COL27A1: variants seen among roughly 807,000 people sequenced by gnomAD.
COL27A1 encodes collagen type XXVII alpha 1 chain.
Under a neutral mutation model 251.3 loss-of-function variants are expected in COL27A1, and 106 were observed. The ratio of observed to expected loss-of-function variants is 0.42; its 90% confidence interval spans 0.36 to 0.50. The LOEUF (loss-of-function observed/expected upper bound fraction) is 0.50. COL27A1 is among the 20% of genes least tolerant of loss of function. The pLI is 0.00. For missense variants in COL27A1, 2,325 were observed against 2,522.8 expected (o/e 0.92, Z 1.68); for synonymous variants, 1,000 against 986.3 (o/e 1.01, Z -0.26).
At position 114,168,478 on chromosome 9, in the gene COL27A1, C is replaced by G. The variant is rs767257782; in HGVS notation, c.923C>G (p.Pro308Arg). 3 of 1,614,042 alleles carry G rather than the reference C, an allele frequency of 1.9e-6. No homozygotes were observed. The highest frequency in any genetic ancestry group is 1.7e-6 in the Non-Finnish European group (2 of 1,179,942). ...TKPQRTSPTN[P>R]HQHMAVGGPA... Reference sequence around the variant, plus strand: ...CCCCAAAGGACTAGCCCCACAAACCCTCACCAGCATATGGCGGTGGGAGGC... The same window carrying G: ...CCCCAAAGGACTAGCCCCACAAACCGTCACCAGCATATGGCGGTGGGAGGC... The change falls in exon 3 of 61, where the codon CCT becomes CGT. Residue 308 changes from proline (P) to arginine (R), a missense_variant. Pro to Arg is a moderately radical substitution (Grantham distance 103). Coordinates refer to ENST00000356083, the MANE Select transcript of COL27A1 (RefSeq NM_032888.4).
intron 49 of COL27A1, among the ~76,000 whole-genome samples, chr9:114,294,862 TAGG>T (rs1564581267): frequency 6.6e-6 from 1 of 152,096 alleles, no homozygotes. Flanking sequence ...GAAAAACAAA[TAGG>T]AGGTATTCAT....
At chr9:114,205,049 C>G (rs1829851482) in intron 7 of COL27A1, 53 bp from the exon 8 acceptor site, 1 of 1,582,638 alleles carries the variant, frequency 6.3e-7, no homozygotes, top group Admixed American at 1.7e-5. Flanking sequence ...CTTGCGATCT[C>G]CAGGACCAGA....
chr9:114,232,070 A>G lies in COL27A1; in HGVS notation c.2565+204A>G, dbSNP rs551313684. On this transcript the variant is annotated intron_variant, in intron 16 of 60. Transcript: ENST00000356083. The stretch of plus-strand genomic sequence containing the variant: ...GGCAGATGGTTCTGGGAGCCCGAAA[A>G]CCTCAGCAGATAGTGCAGGAGCAGC... Among the ~76,000 whole-genome samples, 13 of 152,030 alleles carry G rather than the reference A, an allele frequency of 8.6e-5. No individual in the cohort carries two copies. The East Asian group carries it at 1.9e-3, about 23-fold the overall frequency.
chr9:114,282,194 G>A (rs1412917206), intron 37 of COL27A1, 83 bp from the exon 38 acceptor site: 15 of 1,314,584 alleles, frequency 1.1e-5, no homozygotes, highest in South Asian at 3.6e-5. Flanking sequence ...CTCCAGAGCC[G>A]ACAGTCTGAC....
At chr9:114,278,449 GCACTGA>G (rs1835671412) in intron 37 of COL27A1, among the ~76,000 whole-genome samples, 2 of 143,638 alleles carry the variant, frequency 1.4e-5, no homozygotes, top group Admixed American at 1.4e-4. Flanking sequence ...TGATGATGGG[GCACTGA>G]TGATGGTGGT....
intron 40 of COL27A1, 58 bp from the exon 41 acceptor site, chr9:114,284,666 T>C: frequency 6.3e-7 from 1 of 1,575,432 alleles, no homozygotes; most frequent in East Asian, 2.2e-5. Flanking sequence ...TTGGAGTCCA[T>C]GTCCTTTGTC....
intron 4 of COL27A1, among the ~76,000 whole-genome samples, chr9:114,182,208 A>T (rs56002320): frequency 0.55 from 77,231 of 140,266 alleles, 22,091 homozygotes; most frequent in East Asian, 0.73. Context: ...AAAAATAATA[A>T]AATAAAAATA....
At chr9:114,303,256 T>G (rs1295898758) in intron 56 of COL27A1, among the ~76,000 whole-genome samples, 1 of 150,590 alleles carries the variant, frequency 6.6e-6, no homozygotes, top group Non-Finnish European at 1.5e-5. Context: ...TTTTTTTTTT[T>G]GAGACACAGT....
chr9:114,239,293 T>C (rs1832600769), intron 19 of COL27A1, among the ~76,000 whole-genome samples: 11 of 152,242 alleles, frequency 7.2e-5, no homozygotes, highest in Admixed American at 7.2e-4. Flanking sequence ...CAGGCAGACT[T>C]CTTTTCCCAG....
intron 1 of COL27A1, among the ~76,000 whole-genome samples, chr9:114,156,673 A>G (rs1362509715): frequency 1.3e-5 from 2 of 152,078 alleles, no homozygotes; most frequent in Non-Finnish European, 2.9e-5. Context: ...CTGGGCGATC[A>G]CTGTGCGGAA....
intron 16 of COL27A1, among the ~76,000 whole-genome samples, chr9:114,235,389 A>G (rs1011693258): frequency 6.6e-6 from 1 of 152,174 alleles, no homozygotes; most frequent in Admixed American, 6.5e-5. Flanking sequence ...GAGCAGCCCC[A>G]GGCAAGTCTG....
chr9:114,238,406 C>T (rs1401821152), intron 19 of COL27A1, among the ~76,000 whole-genome samples: 1 of 152,148 alleles, frequency 6.6e-6, no homozygotes, highest in Admixed American at 6.5e-5. Flanking sequence ...CCAGGGCTGC[C>T]GTCCCTCTCA....
chr9:114,167,920 G>T lies in COL27A1; in HGVS notation c.365G>T (p.Arg122Leu). 1.9e-6 allele frequency: 3 copies of T among 1,611,424 alleles called. No homozygotes were observed. Among genetic ancestry groups the T allele is most frequent in the South Asian group, 1.1e-5 (1 of 91,062 alleles). The change falls in exon 3 of 61, where the codon CGC becomes CTC. Residue 122 changes from arginine to leucine, a missense_variant. Around this residue, in one of 4 missense-constraint regions of COL27A1, gnomAD observed 1,183 missense variants for 1,144.1 expected, o/e 1.03. Transcript: ENST00000356083. ...AFLFAVRSQKRKLQLGLQFLP... is the reference protein window; with the variant it reads ...AFLFAVRSQKLKLQLGLQFLP... ...CTCTTCGCTGTCCGCAGCCAGAAAC[G>T]CAAGCTGCAGCTGGGCCTGCAGTTC...
At chr9:114,162,890 T>G in intron 2 of COL27A1, 105 bp downstream of exon 2, 1 of 746,688 alleles carries the variant, frequency 1.3e-6, no homozygotes, top group Non-Finnish European at 2.3e-6. Context: ...ACTCAATGCC[T>G]CAGTTTTCCC....
At chr9:114,291,664 G>A (rs1001168584) in intron 48 of COL27A1, among the ~76,000 whole-genome samples, 6 of 152,254 alleles carry the variant, frequency 3.9e-5, no homozygotes, top group African/African-American at 7.2e-5. Context: ...CAGGAGAATC[G>A]CTTGAATTGG....
chr9:114,266,728 G>A (rs1834771004), intron 33 of COL27A1, 110 bp downstream of exon 33: 3 of 996,006 alleles, frequency 3.0e-6, no homozygotes, highest in Non-Finnish European at 4.7e-6. Context: ...CCTGGCCCAG[G>A]GAGATGGTCA....
At position 114,290,409 on chromosome 9, in the gene COL27A1, A is replaced by G. The variant is rs2131625386; in HGVS notation, c.4368+78A>G. 1 of 1,305,496 alleles carries G rather than the reference A, an allele frequency of 7.7e-7. No homozygotes were observed. The highest frequency in any genetic ancestry group is 1.1e-6 in the Non-Finnish European group (1 of 925,560). The allele number at this position is 1,305,496 out of a possible 1,614,324, so 80.9% of individuals were successfully genotyped here. A position where few individuals can be genotyped will look rare whatever the true frequency, so the allele number is the denominator to read the frequency against. On this transcript the variant is annotated intron_variant, in intron 47 of 60. Transcript: ENST00000356083. This position sits in a 1 kb window ranked among gnomAD's most constrained non-coding sequence, Gnocchi z 4.6. ...GGGGAACTTCCCCAGGCCATGGGCC[A>G]GAGGAGCCCGTTTGGAAACTTGGAT...
chr9:114,292,811 A>G (rs1828014204), intron 49 of COL27A1, among the ~76,000 whole-genome samples: 1 of 152,250 alleles, frequency 6.6e-6, no homozygotes, highest in South Asian at 2.1e-4. Flanking sequence ...TTAATATCAG[A>G]TGAAATGAAT....
At chr9:114,222,378 C>A in intron 14 of COL27A1, 111 bp downstream of exon 14, 1 of 1,018,732 alleles carries the variant, frequency 9.8e-7, no homozygotes, top group Non-Finnish European at 1.5e-6. Context: ...AAAGACCCTT[C>A]TCTCATCAAA....
Sources: allele counts gnomAD v4.1 joint callset (sites outside exome capture counted in the v4.1 genomes callset), GRCh38; gene constraint gnomAD v4.1.1; regional missense constraint gnomAD v4.1.1; non-coding constraint Gnocchi (gnomAD v3.1); transcripts MANE v1.5; gene names NCBI Gene and HGNC (gene_info 2026-07-23, HGNC 2026-07-21).